The following MYB variants were observed in gnomAD, a reference collection of about 807,000 sequenced individuals.
MYB encodes transcriptional activator Myb.
Under a neutral mutation model 92.9 loss-of-function variants are expected in MYB, and 28 were observed. That is an observed-to-expected ratio of 0.30 (90% confidence interval 0.22 to 0.41). The LOEUF (loss-of-function observed/expected upper bound fraction) is 0.41, where lower values mean the gene tolerates loss of function less well. Ranked by LOEUF, MYB falls within the 10% of genes least tolerant of loss-of-function variation. The pLI, the probability that MYB is intolerant of heterozygous loss-of-function variation, is 1.00. For missense variants in MYB, 679 were observed against 929.3 expected (o/e 0.73, Z 3.50); for synonymous variants, 295 against 329.1 (o/e 0.90, Z 1.12).
chr6:135,204,039 G>C, intron 15 of MYB: 1 of 319,456 alleles, frequency 3.1e-6, no homozygotes, highest in South Asian at 3.9e-5. Flanking sequence ...CACCTGCAGA[G>C]CCCTCTCCTC....
At position 135,203,613 on chromosome 6, in the gene MYB, AC is replaced by A. The variant is rs1458962420; in HGVS notation, c.2169+290del. On this transcript the variant is annotated intron_variant, in intron 15 of 15. Coordinates refer to ENST00000341911, the MANE Select transcript of MYB (RefSeq NM_001130173.2). ...TGTGACTGAGACTAAGATGTATTACACGTGTGTCACTATCTTCTTCTGCCCT... is the reference window on the plus strand; with the variant it reads ...TGTGACTGAGACTAAGATGTATTACAGTGTGTCACTATCTTCTTCTGCCCT... 1.3e-4 allele frequency: 113 copies of A among 882,498 alleles called. No individual in the cohort carries two copies. In the African/African-American group the frequency reaches 1.7e-3, roughly 13 times the overall value. The allele number at this position is 882,498 out of a possible 1,614,324, so 54.7% of individuals were successfully genotyped here. A position where few individuals can be genotyped will look rare whatever the true frequency, so the allele number is the denominator to read the frequency against.
chr6:135,201,791 TG>T (rs1466817219), intron 14 of MYB, 42 bp downstream of exon 14: 1 of 1,231,558 alleles, frequency 8.1e-7, no homozygotes. Context: ...TATGTGACAC[TG>T]GTGCCTCATG....
In MYB at chr6:135,196,947, C is replaced by G. The variant is rs1292616781; in HGVS notation, c.1204-14C>G. On this transcript the variant is annotated splice_polypyrimidine_tract_variant and intron_variant, in intron 9 of 15. Coordinates refer to ENST00000341911, the MANE Select transcript of MYB (RefSeq NM_001130173.2). ...ACACTATCTCAAAGTTCTGTGCCTCCCACATTGTTTCAGGATTCTTCATCA... is the reference window on the plus strand; with the variant it reads ...ACACTATCTCAAAGTTCTGTGCCTCGCACATTGTTTCAGGATTCTTCATCA... The G allele has an allele frequency of 2.5e-6, 4 of 1,606,832 alleles. No individual in the cohort carries two copies. The highest frequency in any genetic ancestry group is 3.4e-6 in the Non-Finnish European group (4 of 1,176,618).
intron 2 of MYB, among the ~76,000 whole-genome samples, chr6:135,186,286 A>G (rs963934845): frequency 6.6e-6 from 1 of 151,886 alleles, no homozygotes; most frequent in African/African-American, 2.4e-5. Flanking sequence ...CTTTTGTCCC[A>G]CCTCTTCTTC....
intron 13 of MYB, chr6:135,200,619 C>T: frequency 1.4e-6 from 1 of 695,248 alleles, no homozygotes; most frequent in South Asian, 1.5e-5. Context: ...TCTCTATCTA[C>T]TTCATGTTTG....
intron 3 of MYB, 95 bp from the exon 4 acceptor site, chr6:135,189,696 A>G: frequency 1.1e-6 from 1 of 923,890 alleles, no homozygotes. Flanking sequence ...AAATATTTTC[A>G]CTGCATATGG....
chr6:135,184,933 T>C (rs1237723351), intron 1 of MYB, among the ~76,000 whole-genome samples: 1 of 152,222 alleles, frequency 6.6e-6, no homozygotes, highest in Non-Finnish European at 1.5e-5. Context: ...ACAAACATTA[T>C]GATTATGATT....
chr6:135,195,106 AT>A, intron 8 of MYB: 1 of 1,252,712 alleles, frequency 8.0e-7, no homozygotes, highest in Non-Finnish European at 1.0e-6. Context: ...GGGTAAATTT[AT>A]TTTTTGTTAA....
At chr6:135,214,405 C>G (rs1388978698) in intron 15 of MYB, among the ~76,000 whole-genome samples, 1 of 152,108 alleles carries the variant, frequency 6.6e-6, no homozygotes, top group African/African-American at 2.4e-5. Flanking sequence ...AGAAGCAATC[C>G]TTTCTTTCCT....
At chr6:135,216,500 T>A (rs1780457418) in intron 15 of MYB, among the ~76,000 whole-genome samples, 1 of 152,206 alleles carries the variant, frequency 6.6e-6, no homozygotes, top group Admixed American at 6.5e-5. Context: ...GCTAATACAA[T>A]GTAAATGCTA....
At chr6:135,208,447 T>A (rs1779275894) in intron 15 of MYB, among the ~76,000 whole-genome samples, 1 of 151,960 alleles carries the variant, frequency 6.6e-6, no homozygotes. Flanking sequence ...AGTGGCAAGA[T>A]CATGGCTCAC....
intron 15 of MYB, among the ~76,000 whole-genome samples, chr6:135,214,820 T>A (rs532873107): frequency 2.0e-5 from 3 of 152,336 alleles, no homozygotes; most frequent in East Asian, 3.9e-4. Flanking sequence ...CAGAGAGATA[T>A]GCGTATTTCA....
intron 13 of MYB, among the ~76,000 whole-genome samples, chr6:135,201,060 C>G (rs1384202097): frequency 6.6e-6 from 1 of 152,036 alleles, no homozygotes; most frequent in African/African-American, 2.4e-5. Flanking sequence ...GCCTGGGAGA[C>G]AGCAAGACTC....
intron 15 of MYB, among the ~76,000 whole-genome samples, chr6:135,214,110 A>C (rs1249545114): frequency 2.0e-5 from 3 of 152,056 alleles, no homozygotes; most frequent in Non-Finnish European, 4.4e-5. Flanking sequence ...CCCGCTCTCT[A>C]CAAAAAATTT....
chr6:135,194,011 A>G (rs1776961822), intron 7 of MYB, 93 bp downstream of exon 7: 3 of 1,011,398 alleles, frequency 3.0e-6, no homozygotes, highest in East Asian at 4.8e-5. Context: ...GAGCAACTAA[A>G]GTAAAAAGGA....
chr6:135,211,188 T>G lies in MYB; in HGVS notation c.2170-6676T>G, dbSNP rs560947119. On this transcript the variant is annotated intron_variant, in intron 15 of 15. Transcript: ENST00000341911. ...GAGATCTTTCCGAGCCTTTTTCATC[T>G]AGTGTGCTGTGCTGACCCGCTCCCC... is the stretch of plus-strand genomic sequence containing the variant. Among the ~76,000 whole-genome samples, 3 of 149,180 alleles carry G rather than the reference T, an allele frequency of 2.0e-5. No individual in the cohort carries two copies. In the East Asian group the frequency reaches 5.9e-4, roughly 29 times the overall value.
intron 5 of MYB, 58 bp from the exon 6 acceptor site, chr6:135,192,266 A>G: frequency 7.1e-7 from 1 of 1,400,292 alleles, no homozygotes. Flanking sequence ...CTGTCAATTC[A>G]CTTTAATCTG....
chr6:135,189,134 A>G (rs141274479), intron 3 of MYB, among the ~76,000 whole-genome samples: 1 of 152,192 alleles, frequency 6.6e-6, no homozygotes, highest in Non-Finnish European at 1.5e-5. Context: ...CAAAGTCCTT[A>G]TGAAGAGCTC....
rs112386587 is a variant in MYB, at chr6:135,219,084, G to A, written c.*1104G>A. The A allele has an allele frequency of 2.6e-3, 589 of 224,946 alleles. 2 individuals are homozygous for A. The highest frequency in any genetic ancestry group is 0.012 in the African/African-American group (535 of 44,970). 13.9% of individuals were successfully genotyped at this position (224,946 alleles called of 1,614,324 possible). On this transcript the variant is annotated 3_prime_UTR_variant, in exon 16 of 16. Transcript: ENST00000341911. ...GCCAGTCACTGCCTTAAGAACATTTGATGCAAGATGGCCAGCACTGAACTT... is the reference window on the plus strand; with the variant it reads ...GCCAGTCACTGCCTTAAGAACATTTAATGCAAGATGGCCAGCACTGAACTT...
Sources: allele counts gnomAD v4.1 joint callset (sites outside exome capture counted in the v4.1 genomes callset), GRCh38; gene constraint gnomAD v4.1.1; transcripts MANE v1.5; gene names NCBI Gene and HGNC (gene_info 2026-07-23, HGNC 2026-07-21).